ADAM12: variants seen among roughly 807,000 people sequenced by gnomAD.
ADAM12 encodes disintegrin and metalloproteinase domain-containing protein 12.
Under a neutral mutation model 106.4 loss-of-function variants are expected in ADAM12, and 70 were observed. The observed-to-expected ratio is 0.66, with a 90% CI of 0.54 to 0.80. The LOEUF (loss-of-function observed/expected upper bound fraction) is 0.80, where lower values mean the gene tolerates loss of function less well. Ranked by LOEUF, ADAM12 falls within the 30% of genes least tolerant of loss-of-function variation. The pLI is 0.00. For synonymous variants in ADAM12, 420 were observed against 433.5 expected (o/e 0.97, Z 0.39); for missense variants, 1,010 against 1,171.9 (o/e 0.86, Z 2.02).
intron 2 of ADAM12, among the ~76,000 whole-genome samples, chr10:126,316,771 G>C (rs577077598): frequency 7.2e-6 from 1 of 139,138 alleles, no homozygotes. Context: ...GTGACAGAGT[G>C]AGACCCTATC....
chr10:126,122,879 C>T (rs1009166332), intron 5 of ADAM12, among the ~76,000 whole-genome samples: 2 of 152,210 alleles, frequency 1.3e-5, no homozygotes, highest in Admixed American at 1.3e-4. Context: ...TATTTTACAT[C>T]GGATCTAAAT....
chr10:126,243,160 C>T (rs1958561111), intron 3 of ADAM12, among the ~76,000 whole-genome samples: 1 of 152,240 alleles, frequency 6.6e-6, no homozygotes, highest in East Asian at 1.9e-4. Context: ...CGTGCAGCTG[C>T]TGAGCAGGCA....
intron 9 of ADAM12, among the ~76,000 whole-genome samples, chr10:126,099,863 T>C (rs1955627183): frequency 6.6e-6 from 1 of 152,246 alleles, no homozygotes; most frequent in Non-Finnish European, 1.5e-5. Context: ...GAAGCTTTCC[T>C]TTCTGTGCTA....
rs1172745983 is a variant in ADAM12, at chr10:126,043,143, G to A, written c.2001C>T (p.Cys667=). Reference sequence around the variant, plus strand: ...CGCAGTGGCAGTTCTTCCTGTTGTTGCACACCTTTCAGGGCAGAGGGGAGG... The same window carrying A: ...CGCAGTGGCAGTTCTTCCTGTTGTTACACACCTTTCAGGGCAGAGGGGAGG... ...CAMQCHGRGV[C]NNRKNCHCEA... is the part of the protein sequence containing the mutation. The change falls in exon 18 of 23, where the codon TGC becomes TGT. Residue 667 remains cysteine, a synonymous_variant. Transcript: ENST00000448723. The surrounding 1 kb of genome is among the most constrained non-coding windows in gnomAD (Gnocchi z 4.1). 6.2e-7 allele frequency: 1 copy of A among 1,613,996 alleles called. No individual in the cohort carries two copies. Among genetic ancestry groups the A allele is most frequent in the Non-Finnish European group, 8.5e-7 (1 of 1,179,924 alleles).
intron 21 of ADAM12, among the ~76,000 whole-genome samples, chr10:126,027,097 A>C (rs896446337): frequency 6.6e-6 from 1 of 152,198 alleles, no homozygotes; most frequent in Admixed American, 6.5e-5. Context: ...AAATACAACT[A>C]TCAGAGAATA....
In ADAM12 at chr10:126,140,177, G is replaced by C. The variant is rs554832645; in HGVS notation, c.340-4517C>G. On this transcript the variant is annotated intron_variant, in intron 4 of 22. Coordinates refer to ENST00000448723, the MANE Select transcript of ADAM12 (RefSeq NM_001288973.2). Reference sequence around the variant, plus strand: ...GTCACAGATCTTTGGGGTCACATATGGTTACAGAATTTCCCCCATTTTAGA... The same window carrying C: ...GTCACAGATCTTTGGGGTCACATATCGTTACAGAATTTCCCCCATTTTAGA... Among the ~76,000 whole-genome samples the C allele has an allele frequency of 4.6e-5, 7 of 152,238 alleles. No individual in the cohort carries two copies. The South Asian group carries it at 6.2e-4, about 14-fold the overall frequency.
chr10:126,260,917 A>G (rs1958988947), intron 3 of ADAM12, among the ~76,000 whole-genome samples: 1 of 152,144 alleles, frequency 6.6e-6, no homozygotes, highest in Non-Finnish European at 1.5e-5. Context: ...GGGGTTCCCT[A>G]CTCTCAGTTT....
chr10:126,199,787 G>A (rs1957664404), intron 3 of ADAM12, among the ~76,000 whole-genome samples: 1 of 152,142 alleles, frequency 6.6e-6, no homozygotes, highest in African/African-American at 2.4e-5. Context: ...TTTAAAATAA[G>A]TCATCCTATC....
intron 2 of ADAM12, among the ~76,000 whole-genome samples, chr10:126,319,828 T>C (rs1052286540): frequency 5.3e-5 from 8 of 152,228 alleles, no homozygotes; most frequent in African/African-American, 1.9e-4. Flanking sequence ...AAAATTGTTC[T>C]TATATAAAAA....
At chr10:126,177,368 C>A (rs1298136837) in intron 3 of ADAM12, among the ~76,000 whole-genome samples, 1 of 152,048 alleles carries the variant, frequency 6.6e-6, no homozygotes, top group African/African-American at 2.4e-5. Context: ...CCCTATGTGT[C>A]ATGCTAATAT....
chr10:126,070,986 G>A lies in ADAM12; in HGVS notation c.1323+491C>T, dbSNP rs1009085428. On this transcript the variant is annotated intron_variant, in intron 12 of 22. Transcript: ENST00000448723. ...TATTGCTTCTGAAAGCTACAAGCTC[G>A]AGAGGCAGAAGCCTCAAGTCATGCA... Among the ~76,000 whole-genome samples the A allele has an allele frequency of 2.6e-5, 4 of 152,118 alleles. No individual in the cohort carries two copies. The East Asian group carries it at 5.8e-4, about 22-fold the overall frequency.
intron 11 of ADAM12, among the ~76,000 whole-genome samples, chr10:126,073,493 A>G (rs190732391): frequency 6.6e-6 from 1 of 152,044 alleles, no homozygotes; most frequent in East Asian, 1.9e-4. Context: ...AGATTATTTC[A>G]TCACCCAGGC....
At chr10:126,265,668 T>C (rs1959084130) in intron 3 of ADAM12, among the ~76,000 whole-genome samples, 1 of 152,182 alleles carries the variant, frequency 6.6e-6, no homozygotes, top group African/African-American at 2.4e-5. Flanking sequence ...AGGAACAGGC[T>C]AGACAGCACC....
chr10:126,202,665 C>G (rs1957724308), intron 3 of ADAM12, among the ~76,000 whole-genome samples: 1 of 152,088 alleles, frequency 6.6e-6, no homozygotes, highest in Admixed American at 6.5e-5. Flanking sequence ...AAAGCAAAAC[C>G]TTCAACTAAA....
intron 1 of ADAM12, among the ~76,000 whole-genome samples, chr10:126,386,453 G>C (rs1856662706): frequency 6.6e-6 from 1 of 152,124 alleles, no homozygotes; most frequent in South Asian, 2.1e-4. Flanking sequence ...TTGATACTGA[G>C]AATCTAAGGG....
chr10:126,313,222 T>A (rs1332941395), intron 2 of ADAM12, among the ~76,000 whole-genome samples: 1 of 152,162 alleles, frequency 6.6e-6, no homozygotes, highest in Non-Finnish European at 1.5e-5. Flanking sequence ...ACAGGGCTGT[T>A]TAAGTATCTT....
At chr10:126,170,503 A>G (rs183323872) in intron 3 of ADAM12, among the ~76,000 whole-genome samples, 1 of 151,208 alleles carries the variant, frequency 6.6e-6, no homozygotes, top group East Asian at 2.0e-4. Flanking sequence ...GTTAAAGCAC[A>G]CCCTCTTTTC....
intron 8 of ADAM12, 55 bp from the exon 9 acceptor site, chr10:126,101,296 C>A: frequency 1.3e-6 from 2 of 1,565,662 alleles, no homozygotes; most frequent in Non-Finnish European, 1.7e-6. Context: ...AATAAAAACT[C>A]GAAATGAAAA....
At chr10:126,121,670 C>G (rs1358675936) in intron 5 of ADAM12, among the ~76,000 whole-genome samples, 1 of 151,532 alleles carries the variant, frequency 6.6e-6, no homozygotes, top group Non-Finnish European at 1.5e-5. Flanking sequence ...TCAATCTAAG[C>G]TTCTTTCCAA....
Sources: gnomAD v4.1 joint callset for allele counts (sites outside exome capture counted in the v4.1 genomes callset) on GRCh38, gnomAD v4.1.1 for gene constraint, Gnocchi (gnomAD v3.1) non-coding constraint, MANE v1.5 for transcripts, NCBI Gene and HGNC (gene_info 2026-07-23, HGNC 2026-07-21) for gene names.